Variants in FRAS1 observed in about 807,000 individuals in gnomAD.
The protein encoded by FRAS1 is Fraser extracellular matrix complex subunit 1, also known as extracellular matrix organizing protein FRAS1.
FRAS1 carries 290 observed loss-of-function variants against 435.2 expected under a neutral mutation model. That is an observed-to-expected ratio of 0.67 (90% CI 0.61 to 0.73). FRAS1 has a LOEUF of 0.73. Among genes scored for constraint, FRAS1 ranks in the 30% least tolerant of loss-of-function variants. The pLI, the probability that FRAS1 is intolerant of heterozygous loss-of-function variation, is 0.00. For synonymous variants in FRAS1, 1,800 were observed against 1,851.0 expected, an observed-to-expected ratio of 0.97 and a Z score of 0.71; for missense variants, 4,860 against 5,001.5, an observed-to-expected ratio of 0.97 and a Z score of 0.85.
At chr4:78,204,041 T>C (rs929336938) in intron 2 of FRAS1, among the ~76,000 whole-genome samples, 53 of 152,208 alleles carry the variant, frequency 3.5e-4, no homozygotes, top group Admixed American at 3.4e-3. Flanking sequence ...CAAACACTTG[T>C]GTTAGGTAAG....
chr4:78,119,917 A>G (rs1249238016), intron 2 of FRAS1, among the ~76,000 whole-genome samples: 1 of 152,192 alleles, frequency 6.6e-6, no homozygotes, highest in Admixed American at 6.5e-5. Context: ...TGCCTTCTAG[A>G]AACCACTAAT....
At chr4:78,322,924 G>A (rs1729565784) in intron 18 of FRAS1, among the ~76,000 whole-genome samples, 1 of 152,166 alleles carries the variant, frequency 6.6e-6, no homozygotes, top group Non-Finnish European at 1.5e-5. Context: ...GAGAGAAATA[G>A]ATAATAAATA....
intron 72 of FRAS1, among the ~76,000 whole-genome samples, chr4:78,538,553 C>T (rs1038020399): frequency 2.6e-5 from 4 of 152,162 alleles, no homozygotes; most frequent in African/African-American, 9.7e-5. Context: ...TACAGTTCAG[C>T]ATGGCTGGGG....
intron 20 of FRAS1, among the ~76,000 whole-genome samples, chr4:78,340,810 G>T (rs1167280993): frequency 6.6e-6 from 1 of 152,136 alleles, no homozygotes; most frequent in East Asian, 1.9e-4. Flanking sequence ...CTTTGCACAT[G>T]TGCCCCTGTT....
At chr4:78,115,042 A>G (rs13141573) in intron 2 of FRAS1, among the ~76,000 whole-genome samples, 42,222 of 151,410 alleles carry the variant, frequency 0.28, 6,207 homozygotes, top group African/African-American at 0.35. Flanking sequence ...AGCATGAAGG[A>G]TTGTTGAATT....
chr4:78,158,194 CTT>C (rs1424582873), intron 2 of FRAS1, among the ~76,000 whole-genome samples: 9 of 152,044 alleles, frequency 5.9e-5, no homozygotes, highest in Non-Finnish European at 7.4e-5. Flanking sequence ...TTTAGAAATA[CTT>C]TTTCTAATTC....
In FRAS1 at chr4:78,413,038, A is replaced by T; in HGVS notation, c.4378A>T (p.Thr1460Ser). 6.2e-7 allele frequency: 1 copy of T among 1,611,494 alleles called. No homozygotes were observed. Among genetic ancestry groups the T allele is most frequent in the Non-Finnish European group, 8.5e-7 (1 of 1,178,858 alleles). Residue 1460 changes from threonine to serine, a missense_variant, in exon 32 of 74, where the codon ACA becomes TCA. Transcript: ENST00000512123. Reference sequence around the variant, plus strand: ...GTTCAACATCGCGATCTTACCACAGACACCTGAAGCACCTAAAGTGTCTCT... The same window carrying T: ...GTTCAACATCGCGATCTTACCACAGTCACCTGAAGCACCTAAAGTGTCTCT... ...HMFNIAILPQTPEAPKVSLEA... is the reference protein window; with the variant it reads ...HMFNIAILPQSPEAPKVSLEA...
rs142685026 is a variant in FRAS1, at chr4:78,170,822, C to T, written c.109-66688C>T. Among the ~76,000 whole-genome samples the T allele has an allele frequency of 4.3e-3, 658 of 152,110 alleles. 6 individuals are homozygous for T. The highest frequency in any genetic ancestry group is 6.6e-3 in the Non-Finnish European group (447 of 68,002). ...TCTGAGTAGCTCTAGCTTCATGTCACGGGTGGCCCCACAGTCACACTGCAT... is the reference window on the plus strand; with the variant it reads ...TCTGAGTAGCTCTAGCTTCATGTCATGGGTGGCCCCACAGTCACACTGCAT... On this transcript the variant is annotated intron_variant, in intron 2 of 73. Transcript: ENST00000512123.
At chr4:78,528,840 T>C (rs1721622622) in intron 70 of FRAS1, among the ~76,000 whole-genome samples, 1 of 152,182 alleles carries the variant, frequency 6.6e-6, no homozygotes, top group South Asian at 2.1e-4. Flanking sequence ...CCAAACTGTC[T>C]TCCAGCATGT....
intron 18 of FRAS1, among the ~76,000 whole-genome samples, chr4:78,321,111 A>C (rs1002363573): frequency 6.6e-6 from 1 of 152,240 alleles, no homozygotes; most frequent in Non-Finnish European, 1.5e-5. Flanking sequence ...TAGAGTGACC[A>C]GGGTTTTTCA....
intron 2 of FRAS1, among the ~76,000 whole-genome samples, chr4:78,127,530 T>C: frequency 6.6e-6 from 1 of 151,954 alleles, no homozygotes; most frequent in East Asian, 1.9e-4. Context: ...ATTTGGGAGA[T>C]ATTTAAGAAG....
chr4:78,446,601 A>G (rs17003230), intron 42 of FRAS1, 126 bp from the exon 43 acceptor site: 1 of 1,417,980 alleles, frequency 7.1e-7, no homozygotes, highest in Admixed American at 3.5e-5. Flanking sequence ...GGAAGTAAAG[A>G]TGGTGCCACA....
chr4:78,079,128 G>A (rs977571200), intron 2 of FRAS1, among the ~76,000 whole-genome samples: 1 of 152,082 alleles, frequency 6.6e-6, no homozygotes, highest in Admixed American at 6.6e-5. Context: ...ACATTTCTGA[G>A]GTAATGTTAA....
intron 38 of FRAS1, among the ~76,000 whole-genome samples, chr4:78,434,477 A>T (rs766982646): frequency 3.3e-5 from 5 of 152,186 alleles, no homozygotes; most frequent in Non-Finnish European, 5.9e-5. Context: ...GGATAAAATT[A>T]ATCTTAAAAC....
chr4:78,238,653 T>C (rs916256731), intron 3 of FRAS1, among the ~76,000 whole-genome samples: 1 of 152,164 alleles, frequency 6.6e-6, no homozygotes, highest in African/African-American at 2.4e-5. Context: ...ATTATGGAGC[T>C]TTATGTTTAT....
chr4:78,147,664 G>C (rs900957236), intron 2 of FRAS1, among the ~76,000 whole-genome samples: 2 of 152,102 alleles, frequency 1.3e-5, no homozygotes, highest in African/African-American at 4.8e-5. Context: ...TTCTAGCTAT[G>C]TTTTCTTATG....
At chr4:78,467,982 TAGATGA>T (rs1231394841) in intron 50 of FRAS1, among the ~76,000 whole-genome samples, 1 of 152,258 alleles carries the variant, frequency 6.6e-6, no homozygotes, top group Non-Finnish European at 1.5e-5. Flanking sequence ...TAATCCCTTG[TAGATGA>T]GTAGATGGCA....
intron 2 of FRAS1, among the ~76,000 whole-genome samples, chr4:78,088,119 T>C (rs1741297333): frequency 6.6e-6 from 1 of 152,022 alleles, no homozygotes; most frequent in African/African-American, 2.4e-5. Flanking sequence ...TCAGAAATAA[T>C]GCTGCATATC....
chr4:78,451,854 C>A lies in FRAS1; in HGVS notation c.6546C>A (p.Asn2182Lys). Residue 2182 changes from asparagine (N) to lysine (K), a missense_variant, in exon 46 of 74, where the codon AAC (asparagine) becomes AAA (lysine). Transcript: ENST00000512123. ...TTGATGTGGTTGATGGAGAAGGCAA[C>A]AGATTGATTGACAAGTCATTTTCCA... is the stretch of plus-strand genomic sequence containing the variant. ...FKFDVVDGEG[N>K]RLIDKSFSIS... The A allele has an allele frequency of 6.2e-7, 1 of 1,613,066 alleles. No homozygotes were observed. Among genetic ancestry groups the A allele is most frequent in the South Asian group, 1.1e-5 (1 of 90,858 alleles).
Sources: allele counts gnomAD v4.1 joint callset (sites outside exome capture counted in the v4.1 genomes callset), GRCh38; gene constraint gnomAD v4.1.1; transcripts MANE v1.5; gene names NCBI Gene and HGNC (gene_info 2026-07-23, HGNC 2026-07-21).